Variants in THSD7B observed in about 807,000 individuals in gnomAD.
THSD7B encodes thrombospondin type 1 domain containing 7B.
In THSD7B, 138 loss-of-function variants were observed where a neutral mutation model predicts 213.6. The ratio of observed to expected loss-of-function variants is 0.65; its 90% CI spans 0.56 to 0.74. THSD7B has a LOEUF of 0.74. THSD7B is among the 30% of genes least tolerant of loss of function. The pLI, the probability that THSD7B is intolerant of heterozygous loss-of-function variation, is 0.00. For synonymous variants in THSD7B, 742 were observed against 687.0 expected, an observed-to-expected ratio of 1.08 and a Z score of -1.25; for missense variants, 1,931 against 1,991.5, an observed-to-expected ratio of 0.97 and a Z score of 0.58.
At position 137,484,976 on chromosome 2, in the gene THSD7B, G is replaced by C. The variant is rs1417162183; in HGVS notation, c.3138+33953G>C. On this transcript the variant is annotated intron_variant, in intron 15 of 27. Coordinates refer to ENST00000409968, the MANE Select transcript of THSD7B (RefSeq NM_001316349.2). The stretch of plus-strand genomic sequence containing the variant: ...TTTTCTCCCATTTTGTAGGTTGCCT[G>C]TTCACTCTGATGGTAGTTTCTTTTG... Among the ~76,000 whole-genome samples the C allele has an allele frequency of 2.8e-3, 168 of 60,034 alleles. 2 individuals are homozygous for C. The highest frequency in any genetic ancestry group is 0.01 in the African/African-American group (165 of 16,406). 39.4% of individuals were successfully genotyped at this position (60,034 alleles called of 152,430 possible).
At chr2:137,581,540 C>T (rs1224230823) in intron 17 of THSD7B, among the ~76,000 whole-genome samples, 3 of 151,908 alleles carry the variant, frequency 2.0e-5, no homozygotes, top group Non-Finnish European at 4.4e-5. Context: ...GAATGGAGGA[C>T]GTGGAGGCTG....
chr2:136,859,955 T>G (rs1000847762), intron 1 of THSD7B, among the ~76,000 whole-genome samples: 2 of 151,588 alleles, frequency 1.3e-5, no homozygotes, highest in Admixed American at 1.3e-4. Flanking sequence ...AAACTGGTGT[T>G]GGAGGAATTA....
At chr2:137,575,743 T>TATATATATATATATATATATAA (rs1558845591) in intron 17 of THSD7B, among the ~76,000 whole-genome samples, 1 of 143,814 alleles carries the variant, frequency 7.0e-6, no homozygotes. Context: ...TATATATATA[T>TATATATATATATATATATATAA]TTTTACTTTA....
At chr2:137,016,483 G>A (rs1433827146) in intron 2 of THSD7B, among the ~76,000 whole-genome samples, 1 of 152,146 alleles carries the variant, frequency 6.6e-6, no homozygotes, top group African/African-American at 2.4e-5. Flanking sequence ...TTGGACAAAC[G>A]CTGCCATCTT....
intron 12 of THSD7B, among the ~76,000 whole-genome samples, chr2:137,355,466 CTATT>C (rs1381099874): frequency 1.3e-5 from 2 of 152,148 alleles, no homozygotes; most frequent in Non-Finnish European, 2.9e-5. Context: ...TAACACCTAT[CTATT>C]CTTCTAAAAG....
At chr2:137,574,310 T>G (rs542830953) in intron 17 of THSD7B, among the ~76,000 whole-genome samples, 8 of 152,234 alleles carry the variant, frequency 5.3e-5, no homozygotes, top group Non-Finnish European at 8.8e-5. Flanking sequence ...CATAATTATT[T>G]AATTTTTGGA....
At chr2:136,842,053 G>C (rs1205865465) in intron 1 of THSD7B, among the ~76,000 whole-genome samples, 2 of 152,150 alleles carry the variant, frequency 1.3e-5, no homozygotes, top group Non-Finnish European at 2.9e-5. Flanking sequence ...AGCAAACTTT[G>C]TCTCCATGAC....
chr2:136,831,960 A>G (rs921784884), intron 1 of THSD7B, among the ~76,000 whole-genome samples: 1 of 152,114 alleles, frequency 6.6e-6, no homozygotes, highest in African/African-American at 2.4e-5. Context: ...TGTCCTGCTC[A>G]TTTGGCACCT....
rs115794092 is a variant in THSD7B, at chr2:136,933,302, T to C, written c.139+50985T>C. 8.3e-3 allele frequency among the ~76,000 whole-genome samples: 1,265 copies of C among 152,202 alleles called. 21 individuals carry two copies. Among genetic ancestry groups the C allele is most frequent in the African/African-American group, 0.029 (1,212 of 41,522 alleles). ...AGAAAATTCTTAGTTTAGCCGGGCGTGGTGGCTCACACCTGTAATCCTAGC... is the reference window on the plus strand; with the variant it reads ...AGAAAATTCTTAGTTTAGCCGGGCGCGGTGGCTCACACCTGTAATCCTAGC... On this transcript the variant is annotated intron_variant, in intron 2 of 27. Transcript: ENST00000409968.
At chr2:136,896,767 A>G (rs1683966667) in intron 2 of THSD7B, among the ~76,000 whole-genome samples, 1 of 152,080 alleles carries the variant, frequency 6.6e-6, no homozygotes, top group South Asian at 2.1e-4. Context: ...TGGCTATTCA[A>G]TTGTGCTAGC....
At chr2:137,444,013 T>C (rs1687475172) in intron 14 of THSD7B, among the ~76,000 whole-genome samples, 2 of 152,052 alleles carry the variant, frequency 1.3e-5, no homozygotes, top group Admixed American at 6.6e-5. Context: ...ATTTTGTCGA[T>C]GCTGATGGAG....
intron 15 of THSD7B, among the ~76,000 whole-genome samples, chr2:137,483,989 A>C (rs1184497026): frequency 6.6e-6 from 1 of 151,996 alleles, no homozygotes; most frequent in Non-Finnish European, 1.5e-5. Context: ...GATTCGTTCC[A>C]GACATGCTCG....
At chr2:137,268,011 A>G (rs139233589) in intron 10 of THSD7B, among the ~76,000 whole-genome samples, 2 of 152,162 alleles carry the variant, frequency 1.3e-5, no homozygotes, top group South Asian at 2.1e-4. Context: ...CTCAGACTCT[A>G]CTTCTTTTGT....
At chr2:137,088,116 T>C (rs1687874584) in intron 3 of THSD7B, among the ~76,000 whole-genome samples, 1 of 152,056 alleles carries the variant, frequency 6.6e-6, no homozygotes, top group Non-Finnish European at 1.5e-5. Flanking sequence ...GGTTTGTGCC[T>C]ATAGTCCTAG....
At position 137,172,905 on chromosome 2, in the gene THSD7B, G is replaced by C. The variant is rs114330111; in HGVS notation, c.1723+1967G>C. Among the ~76,000 whole-genome samples, 658 of 152,252 alleles carry C rather than the reference G, an allele frequency of 4.3e-3. 5 individuals carry two copies. The highest frequency in any genetic ancestry group is 0.015 in the African/African-American group (620 of 41,568). ...TTGTGTGGTTACAGAAGTGTTCTGTGTTGAGTTTGGAGTAAGAAGTGAAGT... is the reference window on the plus strand; with the variant it reads ...TTGTGTGGTTACAGAAGTGTTCTGTCTTGAGTTTGGAGTAAGAAGTGAAGT... On this transcript the variant is annotated intron_variant, in intron 7 of 27. Coordinates refer to ENST00000409968, the MANE Select transcript of THSD7B (RefSeq NM_001316349.2).
chr2:137,180,813 T>C (rs1680439267), intron 7 of THSD7B, among the ~76,000 whole-genome samples: 2 of 152,220 alleles, frequency 1.3e-5, no homozygotes, highest in South Asian at 4.1e-4. Context: ...TGTACCAGAC[T>C]ATGCAATAAC....
At chr2:137,346,511 C>T (rs1684879945) in intron 12 of THSD7B, among the ~76,000 whole-genome samples, 1 of 151,284 alleles carries the variant, frequency 6.6e-6, no homozygotes, top group South Asian at 2.1e-4. Flanking sequence ...TCTCCCTCTC[C>T]CCAACATGCC....
intron 12 of THSD7B, among the ~76,000 whole-genome samples, chr2:137,325,276 C>T (rs138574336): frequency 1.0e-3 from 156 of 152,310 alleles, no homozygotes; most frequent in Middle Eastern, 0.01. Context: ...GAAGTGAAAG[C>T]AAGCAGTTAA....
At chr2:137,243,624 T>A (rs1478902399) in intron 10 of THSD7B, among the ~76,000 whole-genome samples, 2 of 152,360 alleles carry the variant, frequency 1.3e-5, no homozygotes, top group East Asian at 3.9e-4. Context: ...ATCCTTCAAA[T>A]GCTCTTTGAC....
Sources: allele counts gnomAD v4.1 joint callset (sites outside exome capture counted in the v4.1 genomes callset), GRCh38; gene constraint gnomAD v4.1.1; transcripts MANE v1.5; gene names NCBI Gene and HGNC (gene_info 2026-07-23, HGNC 2026-07-21).